AGAP1: variants seen among roughly 807,000 people sequenced by gnomAD.
The protein encoded by AGAP1 is arf-GAP with GTPase, ANK repeat and PH domain-containing protein 1.
In AGAP1, 29 loss-of-function variants were observed where a neutral mutation model predicts 105.3. That is an observed-to-expected ratio of 0.28 (90% CI 0.21 to 0.38). The LOEUF (loss-of-function observed/expected upper bound fraction) is 0.38. Ranked by LOEUF, AGAP1 falls within the 10% of genes least tolerant of loss-of-function variation. AGAP1 has a pLI of 1.00. For missense variants in AGAP1, 998 were observed against 1,165.1 expected, an observed-to-expected ratio of 0.86 and a Z score of 2.09; for synonymous variants, 509 against 485.9, an observed-to-expected ratio of 1.05 and a Z score of -0.63.
rs141746348 is a variant in AGAP1 at position 235,735,145 on chromosome 2, A to C, written c.311-5818A>C. 2.6e-3 allele frequency among the ~76,000 whole-genome samples: 389 copies of C among 152,302 alleles called. 1 individual carries two copies. The highest frequency in any genetic ancestry group is 0.01 in the South Asian group (50 of 4,820). On this transcript the variant is annotated intron_variant, in intron 3 of 17. Transcript: ENST00000304032. ...CTAACAGAGATGATGTGGGAAAACA[A>C]GTGCTTTGTAGACGATGGCGTTGGA...
At chr2:236,077,736 G>A (rs761440342) in intron 16 of AGAP1, among the ~76,000 whole-genome samples, 11 of 152,188 alleles carry the variant, frequency 7.2e-5, no homozygotes, top group Non-Finnish European at 1.0e-4. Context: ...TTGAAATACC[G>A]CTGGGTTGAG....
rs753273919 is a variant in AGAP1 at position 235,714,075 on chromosome 2, G to A, written c.223-3482G>A. Among the ~76,000 whole-genome samples the A allele has an allele frequency of 3.3e-5, 5 of 152,108 alleles. No individual in the cohort carries two copies. Among genetic ancestry groups the A allele is most frequent in the Non-Finnish European group, 5.9e-5 (4 of 68,004 alleles). On this transcript the variant is annotated intron_variant, in intron 2 of 17. Transcript: ENST00000304032. This position sits in a 1 kb window ranked among gnomAD's most constrained non-coding sequence, Gnocchi z 4.1. ...GTCGCCCAGGCTGGAGTGCGGTGGTGCAATCTCAGCTCACTGCAACCTCTG... is the reference window on the plus strand; with the variant it reads ...GTCGCCCAGGCTGGAGTGCGGTGGTACAATCTCAGCTCACTGCAACCTCTG...
Position 235,705,498 on chromosome 2 carries a change from C to CT in AGAP1, c.164-3680dup, listed in dbSNP as rs1173363603. ...CCCCACCCTTCCTCGACCCCACCTACTGAGTGATGAACAATTCCACGCCAG... is the reference window on the plus strand; with the variant it reads ...CCCCACCCTTCCTCGACCCCACCTACTTGAGTGATGAACAATTCCACGCCAG... On this transcript the variant is annotated intron_variant, in intron 1 of 17. Coordinates refer to ENST00000304032, the MANE Select transcript of AGAP1 (RefSeq NM_001037131.3). This position sits in a 1 kb window ranked among gnomAD's most constrained non-coding sequence, Gnocchi z 4.9. 6.6e-6 allele frequency among the ~76,000 whole-genome samples: 1 copy of CT among 152,224 alleles called. No homozygotes were observed. Among genetic ancestry groups the CT allele is most frequent in the African/African-American group, 2.4e-5 (1 of 41,470 alleles).
At chr2:235,946,899 C>T (rs922099494) in intron 12 of AGAP1, among the ~76,000 whole-genome samples, 1 of 152,188 alleles carries the variant, frequency 6.6e-6, no homozygotes, top group Non-Finnish European at 1.5e-5. Flanking sequence ...ACCACCTTCA[C>T]CGTGAGGCCT....
At chr2:235,797,659 A>G (rs1046418832) in intron 6 of AGAP1, 100 bp from the exon 7 acceptor site, 2 of 1,458,326 alleles carry the variant, frequency 1.4e-6, no homozygotes, top group Non-Finnish European at 1.9e-6. Flanking sequence ...CTGCGAAAGA[A>G]GGAAATAACA....
rs893296236 is a variant in AGAP1, at chr2:235,620,783, G to A, written c.164-88396G>A. ...AATGCTAGGCCCTTTGTCGATGTTCGTTAGGCATGCAGGTGAACAAGTGAA... is the reference window on the plus strand; with the variant it reads ...AATGCTAGGCCCTTTGTCGATGTTCATTAGGCATGCAGGTGAACAAGTGAA... On this transcript the variant is annotated intron_variant, in intron 1 of 17. Coordinates refer to ENST00000304032, the MANE Select transcript of AGAP1 (RefSeq NM_001037131.3). The surrounding 1 kb of genome is among the most constrained non-coding windows in gnomAD (Gnocchi z 4.5). 2.0e-5 allele frequency among the ~76,000 whole-genome samples: 3 copies of A among 152,238 alleles called. No homozygotes were observed. Among genetic ancestry groups the A allele is most frequent in the African/African-American group, 2.4e-5 (1 of 41,476 alleles).
intron 1 of AGAP1, among the ~76,000 whole-genome samples, chr2:235,697,935 TG>T (rs1254147027): frequency 6.6e-6 from 1 of 152,206 alleles, no homozygotes; most frequent in Non-Finnish European, 1.5e-5. Flanking sequence ...CAGTGGCTCT[TG>T]CATACTACCA....
chr2:235,895,252 C>T (rs187679679), intron 10 of AGAP1, among the ~76,000 whole-genome samples: 1 of 152,226 alleles, frequency 6.6e-6, no homozygotes, highest in East Asian at 1.9e-4. Context: ...GATTTCCCTC[C>T]TTTGAGTTCT....
In AGAP1 at chr2:236,053,592, C is replaced by T. The variant is rs2057970743; in HGVS notation, c.2114+4311C>T. Among the ~76,000 whole-genome samples the T allele has an allele frequency of 6.6e-6, 1 of 152,276 alleles. No homozygotes were observed. The highest frequency in any genetic ancestry group is 1.5e-5 in the Non-Finnish European group (1 of 68,050). Reference sequence around the variant, plus strand: ...CAGAGCCCTCTGGCGCCACATTCCTCTTGGCAGAAGCCTCGCTCTGCGTGG... The same window carrying T: ...CAGAGCCCTCTGGCGCCACATTCCTTTTGGCAGAAGCCTCGCTCTGCGTGG... On this transcript the variant is annotated intron_variant, in intron 16 of 17. Coordinates refer to ENST00000304032, the MANE Select transcript of AGAP1 (RefSeq NM_001037131.3). The surrounding 1 kb of genome is among the most constrained non-coding windows in gnomAD (Gnocchi z 4.6).
chr2:235,849,235 C>T (rs2106439088), intron 9 of AGAP1, among the ~76,000 whole-genome samples: 1 of 152,296 alleles, frequency 6.6e-6, no homozygotes, highest in Middle Eastern at 3.4e-3. Context: ...CAAGTTTTCT[C>T]AGAAAAGGAC....
chr2:236,045,496 G>C lies in AGAP1; in HGVS notation c.1892-3563G>C, dbSNP rs904166658. ...AGCCTCATTTCTCTGGAGGGGAGCTGAGGCCCGGAGAGCAAGAGGCTTGCA... is the reference window on the plus strand; with the variant it reads ...AGCCTCATTTCTCTGGAGGGGAGCTCAGGCCCGGAGAGCAAGAGGCTTGCA... On this transcript the variant is annotated intron_variant, in intron 15 of 17. Transcript: ENST00000304032. This position sits in a 1 kb window ranked among gnomAD's most constrained non-coding sequence, Gnocchi z 6.9. Among the ~76,000 whole-genome samples the C allele has an allele frequency of 6.6e-6, 1 of 152,218 alleles. No homozygotes were observed. The highest frequency in any genetic ancestry group is 6.5e-5 in the Admixed American group (1 of 15,290).
chr2:235,783,141 C>T (rs1266587423), intron 6 of AGAP1, among the ~76,000 whole-genome samples: 2 of 151,812 alleles, frequency 1.3e-5, no homozygotes, highest in African/African-American at 4.8e-5. Flanking sequence ...CCATTTTTCT[C>T]AGTGAGCTTT....
Position 236,124,719 on chromosome 2 carries a change from T to G in AGAP1, c.*597T>G, listed in dbSNP as rs1453187596. 1 of 156,090 alleles carries G rather than the reference T, an allele frequency of 6.4e-6. No individual in the cohort carries two copies. Among genetic ancestry groups the G allele is most frequent in the Non-Finnish European group, 1.4e-5 (1 of 70,020 alleles). 9.7% of individuals were successfully genotyped at this position (156,090 alleles called of 1,614,324 possible). A position where few individuals can be genotyped will look rare whatever the true frequency, so the allele number is the denominator to read the frequency against. On this transcript the variant is annotated 3_prime_UTR_variant, in exon 18 of 18. Transcript: ENST00000304032. The surrounding 1 kb of genome is among the most constrained non-coding windows in gnomAD (Gnocchi z 5.1). Reference sequence around the variant, plus strand: ...AGCCGAGTTCTTCCCGCATTACTGCTGTTTAATAGAACGTGATTAGTCATC... The same window carrying G: ...AGCCGAGTTCTTCCCGCATTACTGCGGTTTAATAGAACGTGATTAGTCATC...
rs1346571412 is a variant in AGAP1 at position 235,599,785 on chromosome 2, G to A, written c.163+104936G>A. Among the ~76,000 whole-genome samples, 1 of 152,174 alleles carries A rather than the reference G, an allele frequency of 6.6e-6. No individual in the cohort carries two copies. Among genetic ancestry groups the A allele is most frequent in the Non-Finnish European group, 1.5e-5 (1 of 68,034 alleles). Reference sequence around the variant, plus strand: ...TTTCCCCTCCAGGTTCAGAGAGAGCGCCTGCCCCAGGGCTGGGAAGATGAG... The same window carrying A: ...TTTCCCCTCCAGGTTCAGAGAGAGCACCTGCCCCAGGGCTGGGAAGATGAG... On this transcript the variant is annotated intron_variant, in intron 1 of 17. Transcript: ENST00000304032. This position sits in a 1 kb window ranked among gnomAD's most constrained non-coding sequence, Gnocchi z 5.3.
intron 1 of AGAP1, among the ~76,000 whole-genome samples, chr2:235,591,677 G>A (rs961312384): frequency 1.1e-4 from 16 of 152,212 alleles, no homozygotes; most frequent in African/African-American, 3.9e-4. Context: ...AGGTGCTTGG[G>A]TCATGGGGGT....
intron 1 of AGAP1, among the ~76,000 whole-genome samples, chr2:235,579,404 G>T (rs1031756932): frequency 6.6e-6 from 1 of 152,144 alleles, no homozygotes; most frequent in African/African-American, 2.4e-5. Flanking sequence ...GCAATCCCAG[G>T]GGGCGACTTG....
At chr2:235,501,726 A>G (rs1195244960) in intron 1 of AGAP1, among the ~76,000 whole-genome samples, 1 of 151,822 alleles carries the variant, frequency 6.6e-6, no homozygotes, top group Non-Finnish European at 1.5e-5. Flanking sequence ...TTAACCACTG[A>G]TTTCGTTTCG....
chr2:235,916,390 G>T (rs1189766059), intron 11 of AGAP1, among the ~76,000 whole-genome samples: 4 of 152,210 alleles, frequency 2.6e-5, no homozygotes, highest in Non-Finnish European at 1.5e-5. Context: ...CAGAGAAGGA[G>T]GTAAAACGTC....
At chr2:236,024,318 T>C (rs1341880849) in intron 13 of AGAP1, among the ~76,000 whole-genome samples, 1 of 152,166 alleles carries the variant, frequency 6.6e-6, no homozygotes, top group African/African-American at 2.4e-5. Flanking sequence ...ATTATAGGCA[T>C]TAGCCACTGC....
Sources: gnomAD v4.1 joint callset for allele counts (sites outside exome capture counted in the v4.1 genomes callset) on GRCh38, gnomAD v4.1.1 for gene constraint, Gnocchi (gnomAD v3.1) non-coding constraint, MANE v1.5 for transcripts, NCBI Gene and HGNC (gene_info 2026-07-23, HGNC 2026-07-21) for gene names.